Variants in DNAH9 observed in about 807,000 individuals in gnomAD.
DNAH9 encodes the protein DNAH9 variant protein.
In DNAH9, 345 loss-of-function variants were observed where a neutral mutation model predicts 471.6. The observed-to-expected ratio is 0.73, with a 90% CI of 0.67 to 0.80. DNAH9 has a LOEUF of 0.80. DNAH9 is among the 30% of genes least tolerant of loss of function. The pLI, the probability that DNAH9 is intolerant of heterozygous loss-of-function variation, is 0.00. For missense variants in DNAH9, 5,407 were observed against 5,609.2 expected (o/e 0.96, Z 1.15); for synonymous variants, 2,093 against 2,123.6 (o/e 0.99, Z 0.40).
chr17:11,669,324 T>A, intron 16 of DNAH9, 46 bp from the exon 17 acceptor site: 1 of 1,596,238 alleles, frequency 6.3e-7, no homozygotes, highest in Non-Finnish European at 8.5e-7. Flanking sequence ...TCGAACTTCC[T>A]GCCACACACT....
At chr17:11,767,166 G>A (rs1052662572) in intron 36 of DNAH9, among the ~76,000 whole-genome samples, 3 of 152,094 alleles carry the variant, frequency 2.0e-5, no homozygotes, top group Non-Finnish European at 2.9e-5. Flanking sequence ...AGGCAGCATC[G>A]GGGCTGAGGA....
intron 2 of DNAH9, 65 bp from the exon 3 acceptor site, chr17:11,610,331 G>A: frequency 1.5e-6 from 2 of 1,363,828 alleles, no homozygotes; most frequent in East Asian, 4.7e-5. Flanking sequence ...TACACCCAGG[G>A]TTATTTTCAC....
Position 11,746,899 on chromosome 17 carries a change from C to T in DNAH9, c.6400-657C>T, listed in dbSNP as rs188865497. On this transcript the variant is annotated intron_variant, in intron 31 of 68. Coordinates refer to ENST00000262442, the MANE Select transcript of DNAH9 (RefSeq NM_001372.4). ...TAAGTTACTTGAGGACATACTACAG[C>T]AAAACAAGAATGAAAAACAAGAAAA... 2.6e-4 allele frequency among the ~76,000 whole-genome samples: 39 copies of T among 151,548 alleles called. 1 individual carries two copies. The East Asian group carries it at 7.4e-3, about 29-fold the overall frequency.
In DNAH9 at chr17:11,619,740, G is replaced by C. The variant is rs1567668967; in HGVS notation, c.1309G>C (p.Val437Leu). 6.2e-7 allele frequency: 1 copy of C among 1,614,032 alleles called. No individual in the cohort carries two copies. ...GGATTTCCAGTCTTCTTTGGTCTTT[G>C]TGCGATTGGATGGCTTCCTGGGACA... ...EWDFQSSLVF[V>L]RLDGFLGQLH... The change falls in exon 6 of 69, where the codon GTG becomes CTG. Residue 437 changes from valine to leucine, a missense_variant. Physicochemically the swap from Val to Leu is conservative, Grantham distance 32 (BLOSUM62 1). This residue lies in a region of DNAH9 where 767 missense variants were observed against 692.5 expected (regional missense o/e 1.11). Transcript: ENST00000262442.
At chr17:11,607,529 G>T (rs1450462509) in intron 1 of DNAH9, among the ~76,000 whole-genome samples, 5 of 152,058 alleles carry the variant, frequency 3.3e-5, no homozygotes, top group Admixed American at 3.3e-4. Flanking sequence ...GGATAAGCGG[G>T]AACTGTGCCT....
chr17:11,905,914 A>G, intron 61 of DNAH9, 105 bp downstream of exon 61: 1 of 1,359,960 alleles, frequency 7.4e-7, no homozygotes, highest in East Asian at 2.5e-5. Context: ...CAAATATGCA[A>G]CACTGCAAAT....
intron 60 of DNAH9, among the ~76,000 whole-genome samples, chr17:11,903,780 G>T (rs1050016530): frequency 2.0e-5 from 3 of 152,192 alleles, no homozygotes; most frequent in Non-Finnish European, 1.5e-5. Context: ...GCGTGGTGGC[G>T]CATTCCTGTA....
intron 63 of DNAH9, 22 bp downstream of exon 63, chr17:11,930,115 A>T (rs1415961375): frequency 6.3e-7 from 1 of 1,592,534 alleles, no homozygotes; most frequent in African/African-American, 1.3e-5. Flanking sequence ...GGAGGGAGGC[A>T]AAAACAGCAG....
chr17:11,966,425 G>A (rs1367768341), intron 68 of DNAH9, among the ~76,000 whole-genome samples: 1 of 152,196 alleles, frequency 6.6e-6, no homozygotes, highest in Non-Finnish European at 1.5e-5. Context: ...GAGACAGAGA[G>A]AGAGAGAATT....
intron 50 of DNAH9, among the ~76,000 whole-genome samples, chr17:11,863,382 C>T (rs199769052): frequency 0.47 from 70,687 of 151,370 alleles, 17,035 homozygotes; most frequent in Non-Finnish European, 0.53. Context: ...CACTTGATCA[C>T]AGTGGATAAG....
At position 11,934,547 on chromosome 17, in the gene DNAH9, G is replaced by A. The variant is rs1264242735; in HGVS notation, c.12489+476G>A. Among the ~76,000 whole-genome samples the A allele has an allele frequency of 2.8e-5, 4 of 145,026 alleles. 1 individual carries two copies. In the South Asian group the frequency reaches 6.7e-4, roughly 24 times the overall value. ...TGCAAGCTCCGCCTCCCGGGTTCAC[G>A]CCATTCTCCTGCCTCAGCCTCCCGA... On this transcript the variant is annotated intron_variant, in intron 65 of 68. Coordinates refer to ENST00000262442, the MANE Select transcript of DNAH9 (RefSeq NM_001372.4).
chr17:11,858,285 A>G (rs1216197231), intron 50 of DNAH9, among the ~76,000 whole-genome samples: 1 of 152,226 alleles, frequency 6.6e-6, no homozygotes, highest in Non-Finnish European at 1.5e-5. Flanking sequence ...TTTAATTCGT[A>G]TATCTGTTTC....
At chr17:11,658,771 C>CT (rs907894662) in intron 14 of DNAH9, among the ~76,000 whole-genome samples, 1 of 151,912 alleles carries the variant, frequency 6.6e-6, no homozygotes, top group Admixed American at 6.6e-5. Context: ...AATTTTACTC[C>CT]TTTTTTCTGT....
chr17:11,617,272 T>C, intron 4 of DNAH9, 139 bp from the exon 5 acceptor site: 1 of 612,148 alleles, frequency 1.6e-6, no homozygotes, highest in East Asian at 2.7e-5. Flanking sequence ...TATTTCCTCA[T>C]AAGAGCTAGG....
chr17:11,731,493 G>A (rs1396456555), intron 28 of DNAH9, among the ~76,000 whole-genome samples: 1 of 151,066 alleles, frequency 6.6e-6, no homozygotes, highest in Non-Finnish European at 1.5e-5. Flanking sequence ...TTGGTGTGCT[G>A]CACCCATTAA....
intron 49 of DNAH9, among the ~76,000 whole-genome samples, chr17:11,844,257 A>G (rs903479751): frequency 6.6e-6 from 1 of 152,178 alleles, no homozygotes; most frequent in African/African-American, 2.4e-5. Context: ...ACAAAATACC[A>G]TAAACAAACT....
In DNAH9 at chr17:11,745,274, A is replaced by G. The variant is rs16945280; in HGVS notation, c.6399+190A>G. 0.11 allele frequency among the ~76,000 whole-genome samples: 17,169 copies of G among 152,234 alleles called. 1,039 individuals carry two copies. The highest frequency in any genetic ancestry group is 0.24 in the East Asian group (1,216 of 5,162). ...ATGTGGAATGCATGGTAGGGAATACAAGGGAAAGTTGGAGGATCCTTACTT... is the reference window on the plus strand; with the variant it reads ...ATGTGGAATGCATGGTAGGGAATACGAGGGAAAGTTGGAGGATCCTTACTT... On this transcript the variant is annotated intron_variant, in intron 31 of 68. Coordinates refer to ENST00000262442, the MANE Select transcript of DNAH9 (RefSeq NM_001372.4).
intron 9 of DNAH9, among the ~76,000 whole-genome samples, chr17:11,637,853 G>A (rs188770213): frequency 4.7e-4 from 72 of 152,140 alleles, no homozygotes; most frequent in African/African-American, 1.5e-3. Context: ...GGCTTAACAA[G>A]ACAAGATGCA....
At chr17:11,657,209 A>G (rs2073668390) in intron 14 of DNAH9, among the ~76,000 whole-genome samples, 1 of 152,102 alleles carries the variant, frequency 6.6e-6, no homozygotes. Context: ...CAGTTGCTCT[A>G]CTTCTTCACC....
Sources: gnomAD v4.1 joint callset for allele counts (sites outside exome capture counted in the v4.1 genomes callset) on GRCh38, gnomAD v4.1.1 for gene constraint, gnomAD v4.1.1 regional missense constraint, MANE v1.5 for transcripts, NCBI Gene and HGNC (gene_info 2026-07-23, HGNC 2026-07-21) for gene names.